The following GPHN variants were observed in gnomAD, a reference collection of about 807,000 sequenced individuals.
The protein encoded by GPHN is gephyrin.
Under a neutral mutation model 95.5 loss-of-function variants are expected in GPHN, and 17 were observed. The observed-to-expected ratio is 0.18, with a 90% CI of 0.12 to 0.27. The LOEUF (loss-of-function observed/expected upper bound fraction) is 0.27. Among genes scored for constraint, GPHN ranks in the 10% least tolerant of loss-of-function variants. GPHN has a pLI of 1.00. For synonymous variants in GPHN, 320 were observed against 322.5 expected (o/e 0.99, Z 0.08); for missense variants, 660 against 978.1 (o/e 0.67, Z 4.34).
intron 1 of GPHN, among the ~76,000 whole-genome samples, chr14:66,564,999 T>G (rs563219990): frequency 6.6e-5 from 10 of 152,158 alleles, no homozygotes; most frequent in Non-Finnish European, 1.5e-4. Flanking sequence ...GTTACCTCTT[T>G]GCCCATGTTT....
intron 1 of GPHN, among the ~76,000 whole-genome samples, chr14:66,591,811 A>G (rs2061660489): frequency 6.6e-6 from 1 of 152,232 alleles, no homozygotes; most frequent in South Asian, 2.1e-4. Flanking sequence ...ACTACTTTAA[A>G]TTTCATATGG....
intron 4 of GPHN, among the ~76,000 whole-genome samples, chr14:66,855,443 G>A (rs76111571): frequency 6.6e-6 from 1 of 152,062 alleles, no homozygotes; most frequent in Non-Finnish European, 1.5e-5. Flanking sequence ...CATGCATGTT[G>A]TAGTATATAT....
the GPHN span, among the ~76,000 whole-genome samples, chr14:67,345,298 T>G: frequency 5.1e-3 from 782 of 152,132 alleles, 8 homozygotes; most frequent in African/African-American, 0.018. Flanking sequence ...GGCTCATGCC[T>G]GTAATCCTAG....
the GPHN span, among the ~76,000 whole-genome samples, chr14:67,707,947 G>C: frequency 6.6e-6 from 1 of 152,154 alleles, no homozygotes; most frequent in Non-Finnish European, 1.5e-5. Flanking sequence ...AGTCAAGTTT[G>C]ATTCCAAGGG....
chr14:66,730,438 G>A (rs1391317009), intron 2 of GPHN, among the ~76,000 whole-genome samples: 1 of 151,962 alleles, frequency 6.6e-6, no homozygotes, highest in African/African-American at 2.4e-5. Context: ...TAGAAAATAG[G>A]GAAAATCCAG....
the GPHN span, chr14:67,581,525 C>CA: frequency 9.2e-5 from 15 of 163,574 alleles, 1 homozygote; most frequent in South Asian, 7.8e-4. Flanking sequence ...GACCCTGCCT[C>CA]AAAAAAAAGA....
chr14:66,727,852 G>C (rs2049046231), intron 2 of GPHN, among the ~76,000 whole-genome samples: 1 of 152,186 alleles, frequency 6.6e-6, no homozygotes, highest in African/African-American at 2.4e-5. Flanking sequence ...GCAGATACAT[G>C]CATAAGTAAT....
the GPHN span, among the ~76,000 whole-genome samples, chr14:67,502,275 G>A: frequency 6.6e-6 from 1 of 151,478 alleles, no homozygotes; most frequent in Non-Finnish European, 1.5e-5. Flanking sequence ...AGGTTGCAGT[G>A]AGCCGAGATC....
At chr14:66,713,470 T>C (rs774471414) in intron 2 of GPHN, among the ~76,000 whole-genome samples, 1 of 152,204 alleles carries the variant, frequency 6.6e-6, no homozygotes, top group Non-Finnish European at 1.5e-5. Context: ...CTGGTTTCTC[T>C]ATTCTGTTGC....
At chr14:66,752,041 A>G (rs2058385335) in intron 2 of GPHN, among the ~76,000 whole-genome samples, 1 of 152,140 alleles carries the variant, frequency 6.6e-6, no homozygotes, top group Non-Finnish European at 1.5e-5. Flanking sequence ...TTACAGATAT[A>G]GCTTCTTAAA....
At chr14:67,695,900 T>C in the GPHN span, 5 of 592,940 alleles carry the variant, frequency 8.4e-6, no homozygotes, top group South Asian at 4.1e-5. Flanking sequence ...AGTTGAATTA[T>C]ACATCGCTAA....
intron 8 of GPHN, among the ~76,000 whole-genome samples, chr14:66,947,233 A>G (rs2067813048): frequency 1.3e-5 from 2 of 151,714 alleles, no homozygotes; most frequent in Admixed American, 6.6e-5. Flanking sequence ...TCTTAAACCT[A>G]CTCTTTACCT....
Position 67,179,784 on chromosome 14 carries a change from CT to C in GPHN, c.2176+115del, listed in dbSNP as rs2083226766. On this transcript the variant is annotated intron_variant, in intron 22 of 22. Coordinates refer to ENST00000478722, the MANE Select transcript of GPHN (RefSeq NM_020806.5). ...GATTTTGTAATTATTATACATTTTT[CT>C]TTTTGAAAAGTTAGATGAGTTAAGT... 8.4e-6 allele frequency: 6 copies of C among 714,098 alleles called. No individual in the cohort carries two copies. In the East Asian group the frequency reaches 1.6e-4, roughly 19 times the overall value. The allele number at this position is 714,098 out of a possible 1,614,324, so 44.2% of individuals were successfully genotyped here. A position where few individuals can be genotyped will look rare whatever the true frequency, so the allele number is the denominator to read the frequency against.
chr14:67,197,926 T>C, the GPHN span, among the ~76,000 whole-genome samples: 11 of 152,184 alleles, frequency 7.2e-5, no homozygotes, highest in Admixed American at 6.5e-4. Context: ...TTGGCTTGCT[T>C]ACTACCTGTC....
chr14:67,139,179 C>T (rs2080302383), intron 17 of GPHN, among the ~76,000 whole-genome samples: 1 of 151,220 alleles, frequency 6.6e-6, no homozygotes, highest in Non-Finnish European at 1.5e-5. Context: ...GCCGAGATCG[C>T]GCCACTACAC....
chr14:66,854,726 T>C (rs761628464), intron 4 of GPHN, among the ~76,000 whole-genome samples: 1 of 152,214 alleles, frequency 6.6e-6, no homozygotes, highest in Non-Finnish European at 1.5e-5. Flanking sequence ...TATTGAGATA[T>C]AATTCACATA....
the GPHN span, among the ~76,000 whole-genome samples, chr14:67,352,503 A>G: frequency 2.6e-4 from 40 of 152,256 alleles, no homozygotes; most frequent in African/African-American, 7.9e-4. Context: ...TAAAATTAAA[A>G]TAAGGAATTG....
chr14:66,940,462 A>G (rs2067360876), intron 8 of GPHN, among the ~76,000 whole-genome samples: 1 of 152,172 alleles, frequency 6.6e-6, no homozygotes, highest in South Asian at 2.1e-4. Context: ...TGACTGCAAC[A>G]GGGTGCCACC....
the GPHN span, among the ~76,000 whole-genome samples, chr14:67,375,232 CTGTGTGTGTGTGTGTGTGTGTGTGTGTG>C: frequency 5.1e-5 from 7 of 137,672 alleles, no homozygotes; most frequent in African/African-American, 1.9e-4. Flanking sequence ...ATCCTCAGTT[CTGTGTGTGTGTGTGTGTGTGTGTGTGTG>C]TGTGTGTGTG....
Sources: allele counts gnomAD v4.1 joint callset (sites outside exome capture counted in the v4.1 genomes callset), GRCh38; gene constraint gnomAD v4.1.1; transcripts MANE v1.5; gene names NCBI Gene and HGNC (gene_info 2026-07-23, HGNC 2026-07-21).